ANO1: variants seen among roughly 807,000 people sequenced by gnomAD.
The protein encoded by ANO1 is anoctamin 1.
ANO1 carries 59 observed loss-of-function variants against 124.0 expected under a neutral mutation model. The ratio of observed to expected loss-of-function variants is 0.48; its 90% CI spans 0.39 to 0.59. ANO1 has a LOEUF of 0.59. Ranked by LOEUF, ANO1 falls within the 20% of genes least tolerant of loss-of-function variation. The probability of loss-of-function intolerance (pLI) is 0.00; values close to 1 mark genes in which losing one functional copy is unlikely to be tolerated. For synonymous variants in ANO1, 529 were observed against 532.0 expected (o/e 0.99, Z 0.08); for missense variants, 1,059 against 1,328.0 (o/e 0.80, Z 3.15).
chr11:70,046,281 G>A (rs1555005625), intron 1 of ANO1, among the ~76,000 whole-genome samples: 1 of 152,112 alleles, frequency 6.6e-6, no homozygotes, highest in Admixed American at 6.5e-5. Flanking sequence ...TCAAGCATTT[G>A]CATGCCAGGG....
Position 70,161,339 on chromosome 11 carries a change from T to C in ANO1, c.1757T>C (p.Ile586Thr), listed in dbSNP as rs200835435. ...IILLDEVYGCIARWLTKIEVP... is the reference protein window; with the variant it reads ...IILLDEVYGCTARWLTKIEVP... Reference sequence around the variant, plus strand: ...CTCCTGGACGAGGTGTATGGCTGCATAGCCCGATGGCTCACCAAGATCGGT... The same window carrying C: ...CTCCTGGACGAGGTGTATGGCTGCACAGCCCGATGGCTCACCAAGATCGGT... Residue 586 changes from isoleucine to threonine, a missense_variant, in exon 17 of 26, where the codon ATA becomes ACA. Around this residue, in one of 2 missense-constraint regions of ANO1, gnomAD observed 809 missense variants for 1,094.9 expected, o/e 0.74. Transcript: ENST00000355303. 153 of 1,613,848 alleles carry C rather than the reference T, an allele frequency of 9.5e-5. No homozygotes were observed. The highest frequency in any genetic ancestry group is 1.3e-4 in the Non-Finnish European group (150 of 1,179,894).
rs1161971221 is a variant in ANO1, at chr11:70,188,157, C to T, written c.*153C>T. On this transcript the variant is annotated 3_prime_UTR_variant, in exon 26 of 26. Coordinates refer to ENST00000355303, the MANE Select transcript of ANO1 (RefSeq NM_018043.7). ...ACTTTCTGATAGGACATTTTCCTTTCTTCTTTCTGTTTTCTTTCCCTTGTT... is the reference window on the plus strand; with the variant it reads ...ACTTTCTGATAGGACATTTTCCTTTTTTCTTTCTGTTTTCTTTCCCTTGTT... 2 of 897,242 alleles carry T rather than the reference C, an allele frequency of 2.2e-6. No individual in the cohort carries two copies. The highest frequency in any genetic ancestry group is 3.3e-6 in the Non-Finnish European group (2 of 610,110). 55.6% of individuals were successfully genotyped at this position (897,242 alleles called of 1,614,324 possible).
At chr11:70,057,775 G>A (rs1242745063) in intron 1 of ANO1, among the ~76,000 whole-genome samples, 3 of 152,136 alleles carry the variant, frequency 2.0e-5, no homozygotes, top group Non-Finnish European at 4.4e-5. Context: ...CACTTCTTTT[G>A]TGGTTCGTCA....
intron 1 of ANO1, among the ~76,000 whole-genome samples, chr11:70,023,326 A>T (rs1483501919): frequency 1.3e-5 from 2 of 152,188 alleles, no homozygotes; most frequent in Admixed American, 6.5e-5. Context: ...GGCCATGTAT[A>T]AGTCAGACTC....
At chr11:70,011,115 CT>C (rs1856592322) in intron 1 of ANO1, among the ~76,000 whole-genome samples, 1 of 152,136 alleles carries the variant, frequency 6.6e-6, no homozygotes, top group Admixed American at 6.5e-5. Flanking sequence ...AGGGAGTGAC[CT>C]TTACTCTCAC....
In ANO1 at chr11:70,087,746, C is replaced by G. The variant is rs774035342; in HGVS notation, c.109-6C>G. On this transcript the variant is annotated splice_polypyrimidine_tract_variant and splice_region_variant and intron_variant, in intron 1 of 25. Transcript: ENST00000355303. ...GGTGAATGGGTGTCTTTTCTTCCAC[C>G]CTTAGCTGCTGAACTCCTTATCTGT... 7.0e-6 allele frequency: 11 copies of G among 1,582,378 alleles called. No individual in the cohort carries two copies. The highest frequency in any genetic ancestry group is 9.5e-6 in the Non-Finnish European group (11 of 1,162,214).
At chr11:70,109,737 G>C (rs535754521) in intron 6 of ANO1, among the ~76,000 whole-genome samples, 1 of 152,170 alleles carries the variant, frequency 6.6e-6, no homozygotes, top group East Asian at 1.9e-4. Context: ...CAGTAGAAAC[G>C]TGTATGGTTG....
intron 1 of ANO1, among the ~76,000 whole-genome samples, chr11:70,001,292 T>G (rs1415084304): frequency 2.0e-5 from 3 of 152,132 alleles, no homozygotes; most frequent in Admixed American, 2.0e-4. Context: ...CCTCTACTCA[T>G]GGGTAGTTGA....
chr11:70,152,567 C>G, intron 13 of ANO1, 106 bp downstream of exon 13: 1 of 1,333,864 alleles, frequency 7.5e-7, no homozygotes. Context: ...CCCGCAGTTC[C>G]TCCACGCGGG....
chr11:70,072,569 G>A (rs1010729573), intron 1 of ANO1: 1 of 152,274 alleles, frequency 6.6e-6, no homozygotes, highest in African/African-American at 2.4e-5. Context: ...GGGGAGGGGA[G>A]GGTGTGATGA....
intron 22 of ANO1, among the ~76,000 whole-genome samples, chr11:70,172,114 T>TCC (rs2048494985): frequency 2.2e-5 from 2 of 91,862 alleles, no homozygotes; most frequent in Non-Finnish European, 4.6e-5. Context: ...AGAGAGAACC[T>TCC]GTCTTAAAAA....
chr11:70,032,052 AG>A (rs782150597), intron 1 of ANO1, among the ~76,000 whole-genome samples: 3 of 152,278 alleles, frequency 2.0e-5, no homozygotes, highest in Non-Finnish European at 2.9e-5. Context: ...ACACTCAGGG[AG>A]AGGACAGACG....
At chr11:69,994,757 A>G (rs1045375511) in intron 1 of ANO1, among the ~76,000 whole-genome samples, 1 of 152,196 alleles carries the variant, frequency 6.6e-6, no homozygotes. Flanking sequence ...AAGTCAGCCA[A>G]CTGGGTTTTG....
At chr11:70,186,395 G>GAAGGAAGA (rs1251399539) in intron 25 of ANO1, among the ~76,000 whole-genome samples, 322 of 146,064 alleles carry the variant, frequency 2.2e-3, no homozygotes, top group Non-Finnish European at 4.1e-3. Context: ...AGGAAGGAAG[G>GAAGGAAGA]AAGAAAGACA....
intron 1 of ANO1, among the ~76,000 whole-genome samples, chr11:70,003,693 T>C (rs1229359809): frequency 1.3e-5 from 2 of 152,044 alleles, no homozygotes; most frequent in Non-Finnish European, 2.9e-5. Context: ...GGTAATTGTA[T>C]TGATGGAGAG....
intron 1 of ANO1, among the ~76,000 whole-genome samples, chr11:70,067,188 CA>C (rs1392081592): frequency 6.6e-6 from 1 of 152,144 alleles, no homozygotes; most frequent in African/African-American, 2.4e-5. Flanking sequence ...CAGCCATGTC[CA>C]AACCCCTCTA....
upstream of ANO1, among the ~76,000 whole-genome samples, chr11:70,077,065 G>T (rs1272170112): frequency 6.6e-6 from 1 of 152,148 alleles, no homozygotes; most frequent in Non-Finnish European, 1.5e-5. Context: ...CCCTATCCTA[G>T]CTGACTCCAG....
upstream of ANO1, among the ~76,000 whole-genome samples, chr11:69,983,585 TC>T (rs1554996526): frequency 6.6e-6 from 1 of 152,134 alleles, no homozygotes; most frequent in African/African-American, 2.4e-5. Flanking sequence ...CTCCGGGTGC[TC>T]CTCTTCCAGG....
At chr11:70,107,973 C>G (rs2045625047) in intron 5 of ANO1, among the ~76,000 whole-genome samples, 1 of 152,248 alleles carries the variant, frequency 6.6e-6, no homozygotes, top group South Asian at 2.1e-4. Context: ...TCCAACTCAG[C>G]TCTCAGCACG....
Sources: allele counts gnomAD v4.1 joint callset (sites outside exome capture counted in the v4.1 genomes callset), GRCh38; gene constraint gnomAD v4.1.1; regional missense constraint gnomAD v4.1.1; transcripts MANE v1.5; gene names NCBI Gene and HGNC (gene_info 2026-07-23, HGNC 2026-07-21).